Variants in YWHAE observed in about 807,000 individuals in gnomAD.
YWHAE encodes the protein tyrosine 3-monooxygenase/tryptophan 5-monooxygenase activation protein epsilon.
Under a neutral mutation model 30.1 loss-of-function variants are expected in YWHAE, and 4 were observed. That is an observed-to-expected ratio of 0.13 (90% CI 0.07 to 0.30). The LOEUF (loss-of-function observed/expected upper bound fraction) is 0.30, where lower values mean the gene tolerates loss of function less well. YWHAE is among the 10% of genes least tolerant of loss of function. The probability of loss-of-function intolerance (pLI) is 1.00; values close to 1 mark genes in which losing one functional copy is unlikely to be tolerated. For synonymous variants in YWHAE, 118 were observed against 111.8 expected, an observed-to-expected ratio of 1.06 and a Z score of -0.35; for missense variants, 121 against 315.9, an observed-to-expected ratio of 0.38 and a Z score of 4.68.
intron 1 of YWHAE, among the ~76,000 whole-genome samples, chr17:1,366,936 C>T (rs1400689733): frequency 6.6e-6 from 1 of 151,350 alleles, no homozygotes; most frequent in Admixed American, 6.6e-5. Context: ...AGTGAGACTC[C>T]GTTTCAAAAA....
intron 1 of YWHAE, among the ~76,000 whole-genome samples, chr17:1,395,720 T>C (rs904962337): frequency 3.3e-5 from 5 of 152,234 alleles, no homozygotes; most frequent in Non-Finnish European, 7.3e-5. Flanking sequence ...CCTATTTTTT[T>C]CCTAACAAGA....
At chr17:1,374,362 G>A (rs533709613) in intron 1 of YWHAE, among the ~76,000 whole-genome samples, 56 of 151,932 alleles carry the variant, frequency 3.7e-4, no homozygotes, top group Non-Finnish European at 6.5e-4. Context: ...GAACATTTGG[G>A]TTGTTTCCAT....
At chr17:1,391,492 T>A (rs943401023) in intron 1 of YWHAE, among the ~76,000 whole-genome samples, 1 of 152,166 alleles carries the variant, frequency 6.6e-6, no homozygotes, top group African/African-American at 2.4e-5. Context: ...GATGAATTAG[T>A]CTGTCTTTTC....
chr17:1,376,275 A>C (rs1242486713), intron 1 of YWHAE, among the ~76,000 whole-genome samples: 1 of 152,180 alleles, frequency 6.6e-6, no homozygotes, highest in African/African-American at 2.4e-5. Flanking sequence ...TCACATACTA[A>C]AATGTGGTTG....
chr17:1,388,052 A>AGTAGCTGG (rs1325056273), intron 1 of YWHAE, among the ~76,000 whole-genome samples: 1 of 132,108 alleles, frequency 7.6e-6, no homozygotes, highest in African/African-American at 2.9e-5. Context: ...TAACCTCCTG[A>AGTAGCTGG]GTAGCTGGGA....
chr17:1,346,922 C>T (rs943230837), intron 5 of YWHAE, among the ~76,000 whole-genome samples: 78 of 147,998 alleles, frequency 5.3e-4, no homozygotes, highest in African/African-American at 1.9e-3. Context: ...ACCCAGGAGA[C>T]GGAGGTTGCA....
intron 1 of YWHAE, among the ~76,000 whole-genome samples, chr17:1,379,602 A>T (rs2073174674): frequency 6.6e-6 from 1 of 152,236 alleles, no homozygotes; most frequent in Non-Finnish European, 1.5e-5. Context: ...CAAAATGTCA[A>T]ATCTGTAGCT....
intron 4 of YWHAE, among the ~76,000 whole-genome samples, chr17:1,358,352 G>T (rs1227539357): frequency 6.6e-6 from 1 of 152,088 alleles, no homozygotes; most frequent in African/African-American, 2.4e-5. Context: ...CCATTCTCCT[G>T]CCTCAGCCTC....
chr17:1,384,495 T>C lies in YWHAE; in HGVS notation c.64+15552A>G, dbSNP rs180932032. ...TCACAACGTCAGGAGATCAAGACCA[T>C]CCTGGCTAACACGGTGAAACCCTGT... On this transcript the variant is annotated intron_variant, in intron 1 of 5. Transcript: ENST00000264335. Among the ~76,000 whole-genome samples, 417 of 146,684 alleles carry C rather than the reference T, an allele frequency of 2.8e-3. 1 individual carries two copies. Among genetic ancestry groups the C allele is most frequent in the Admixed American group, 4.2e-3 (61 of 14,516 alleles).
chr17:1,392,528 G>A (rs2073403617), intron 1 of YWHAE, among the ~76,000 whole-genome samples: 1 of 152,106 alleles, frequency 6.6e-6, no homozygotes, highest in Non-Finnish European at 1.5e-5. Context: ...TGAATCATAT[G>A]CCAACCTTTG....
At position 1,345,011 on chromosome 17, in the gene YWHAE, C is replaced by T. The variant is rs546977611; in HGVS notation, c.*436G>A. On this transcript the variant is annotated 3_prime_UTR_variant, in exon 6 of 6. Transcript: ENST00000264335. ...TACTTGCAAACACTGGTATAAAACA[C>T]AGTTTAAACAATTAGAAAAATGAAA... is the stretch of plus-strand genomic sequence containing the variant. 1.0e-4 allele frequency: 24 copies of T among 238,696 alleles called. No homozygotes were observed. The Middle Eastern group carries it at 3.7e-3, about 37-fold the overall frequency. The allele number at this position is 238,696 out of a possible 1,614,324, so 14.8% of individuals were successfully genotyped here.
At chr17:1,365,779 A>G (rs1471846303) in intron 1 of YWHAE, among the ~76,000 whole-genome samples, 1 of 152,208 alleles carries the variant, frequency 6.6e-6, no homozygotes, top group Non-Finnish European at 1.5e-5. Context: ...TGGCTCTCCA[A>G]CATTACCCAC....
At chr17:1,374,031 C>T (rs2150862401) in intron 1 of YWHAE, among the ~76,000 whole-genome samples, 1 of 152,180 alleles carries the variant, frequency 6.6e-6, no homozygotes, top group East Asian at 1.9e-4. Flanking sequence ...AAAATCCATT[C>T]ATTAGGCCAG....
intron 1 of YWHAE, among the ~76,000 whole-genome samples, chr17:1,385,387 AG>A (rs1228057884): frequency 6.6e-6 from 1 of 152,136 alleles, no homozygotes; most frequent in Admixed American, 6.6e-5. Context: ...ATGCCTCAAA[AG>A]TCATCTACTG....
intron 1 of YWHAE, among the ~76,000 whole-genome samples, chr17:1,391,250 T>A (rs2073386115): frequency 6.6e-6 from 1 of 152,164 alleles, no homozygotes; most frequent in Non-Finnish European, 1.5e-5. Flanking sequence ...AAATTTTCAC[T>A]TTTCCTTTGA....
intron 1 of YWHAE, among the ~76,000 whole-genome samples, chr17:1,391,291 G>GA (rs35121249): frequency 0.026 from 3,832 of 148,088 alleles, 59 homozygotes; most frequent in Middle Eastern, 0.041. Context: ...AACTTCATTT[G>GA]AAAAAAAAAA....
At chr17:1,349,857 G>T (rs531072427) in intron 5 of YWHAE, among the ~76,000 whole-genome samples, 1 of 151,722 alleles carries the variant, frequency 6.6e-6, no homozygotes, top group Non-Finnish European at 1.5e-5. Context: ...CTCGTGATCC[G>T]CCCGCCTCAG....
chr17:1,362,717 G>A (rs2072882855), intron 2 of YWHAE, among the ~76,000 whole-genome samples: 2 of 152,034 alleles, frequency 1.3e-5, no homozygotes, highest in South Asian at 2.1e-4. Context: ...AACCTTTCAT[G>A]AGGGTCCTCT....
At chr17:1,364,528 C>G (rs143018287) in intron 2 of YWHAE, among the ~76,000 whole-genome samples, 1,735 of 152,084 alleles carry the variant, frequency 0.011, 19 homozygotes, top group Non-Finnish European at 0.016. Flanking sequence ...GCCTGGCCAA[C>G]CCACCATATT....
Sources: allele counts gnomAD v4.1 joint callset (sites outside exome capture counted in the v4.1 genomes callset), GRCh38; gene constraint gnomAD v4.1.1; transcripts MANE v1.5; gene names NCBI Gene and HGNC (gene_info 2026-07-23, HGNC 2026-07-21).